Variants in CCSER1 observed in about 807,000 individuals in gnomAD.
CCSER1 encodes serine-rich coiled-coil domain-containing protein 1.
In CCSER1, 41 loss-of-function variants were observed where a neutral mutation model predicts 82.0. The observed-to-expected ratio is 0.50, with a 90% CI of 0.39 to 0.65. CCSER1 has a LOEUF of 0.65. Ranked by LOEUF, CCSER1 falls within the 30% of genes least tolerant of loss-of-function variation. The pLI is 0.00. For missense variants in CCSER1, 1,119 were observed against 1,064.2 expected, an observed-to-expected ratio of 1.05 and a Z score of -0.72; for synonymous variants, 414 against 383.9, an observed-to-expected ratio of 1.08 and a Z score of -0.92.
At chr4:90,964,663 T>C (rs2150383317) in intron 9 of CCSER1, among the ~76,000 whole-genome samples, 1 of 139,056 alleles carries the variant, frequency 7.2e-6, no homozygotes, top group Non-Finnish European at 1.5e-5. Context: ...AGGCAGAGCT[T>C]GCAGTGATCC....
At chr4:90,562,257 C>T (rs550545349) in intron 5 of CCSER1, among the ~76,000 whole-genome samples, 1 of 150,160 alleles carries the variant, frequency 6.7e-6, no homozygotes, top group East Asian at 2.0e-4. Flanking sequence ...ATACTGTGTA[C>T]TCTCCAGTGT....
intron 10 of CCSER1, among the ~76,000 whole-genome samples, chr4:91,294,996 T>C (rs1449030509): frequency 6.6e-6 from 1 of 151,986 alleles, no homozygotes; most frequent in Non-Finnish European, 1.5e-5. Context: ...ACAACAAATA[T>C]GGTTCAGGTA....
intron 8 of CCSER1, among the ~76,000 whole-genome samples, chr4:90,843,739 A>T (rs1332019692): frequency 6.6e-6 from 1 of 152,128 alleles, no homozygotes; most frequent in Admixed American, 6.6e-5. Flanking sequence ...TTTAAAAACA[A>T]ATCTTTTTTA....
chr4:90,494,170 G>A (rs766175718), intron 5 of CCSER1, among the ~76,000 whole-genome samples: 1 of 152,168 alleles, frequency 6.6e-6, no homozygotes, highest in African/African-American at 2.4e-5. Context: ...GACAAAGAAG[G>A]CCATTACATA....
intron 9 of CCSER1, among the ~76,000 whole-genome samples, chr4:90,974,219 A>G (rs1472894099): frequency 6.6e-6 from 1 of 151,588 alleles, no homozygotes; most frequent in African/African-American, 2.4e-5. Context: ...TGTTCTCAAT[A>G]TCTACAAAAA....
At chr4:90,159,163 A>C (rs1011394180) in intron 1 of CCSER1, among the ~76,000 whole-genome samples, 2 of 152,034 alleles carry the variant, frequency 1.3e-5, no homozygotes, top group African/African-American at 4.8e-5. Flanking sequence ...CCTCTTTAGT[A>C]ACTAGGACTG....
chr4:90,326,577 G>A (rs988541684), intron 3 of CCSER1, among the ~76,000 whole-genome samples: 4 of 151,782 alleles, frequency 2.6e-5, no homozygotes, highest in African/African-American at 9.7e-5. Flanking sequence ...GCTCTTTATT[G>A]TATACATTTG....
chr4:91,154,771 T>C lies in CCSER1; in HGVS notation c.2217+68777T>C, dbSNP rs756495990. Reference sequence around the variant, plus strand: ...TAAGAGCTTTACAGAAAATTAAAATTGGGTCATTTAAAAATATTGATGCCT... The same window carrying C: ...TAAGAGCTTTACAGAAAATTAAAATCGGGTCATTTAAAAATATTGATGCCT... On this transcript the variant is annotated intron_variant, in intron 10 of 10. Coordinates refer to ENST00000509176, the MANE Select transcript of CCSER1 (RefSeq NM_001145065.2). Among the ~76,000 whole-genome samples, 16 of 151,992 alleles carry C rather than the reference T, an allele frequency of 1.1e-4. 1 individual carries two copies. Among genetic ancestry groups the C allele is most frequent in the Non-Finnish European group, 1.5e-5 (1 of 67,934 alleles).
intron 9 of CCSER1, among the ~76,000 whole-genome samples, chr4:91,002,683 G>A (rs1450172895): frequency 6.6e-6 from 1 of 151,848 alleles, no homozygotes; most frequent in Non-Finnish European, 1.5e-5. Context: ...CTTAGATTGG[G>A]CTTTGCCTTT....
intron 9 of CCSER1, among the ~76,000 whole-genome samples, chr4:91,069,719 A>G (rs1392518101): frequency 1.3e-5 from 2 of 152,210 alleles, no homozygotes; most frequent in Non-Finnish European, 2.9e-5. Flanking sequence ...TTTAGAATCA[A>G]TGCTCATGAA....
chr4:91,298,695 C>T (rs1744421493), intron 10 of CCSER1, among the ~76,000 whole-genome samples: 1 of 151,940 alleles, frequency 6.6e-6, no homozygotes, highest in South Asian at 2.1e-4. Context: ...TAAACTTTGG[C>T]AAGTTCTTTT....
chr4:90,484,452 T>C (rs1766640504), intron 5 of CCSER1, among the ~76,000 whole-genome samples: 1 of 152,176 alleles, frequency 6.6e-6, no homozygotes, highest in African/African-American at 2.4e-5. Context: ...GGTGCTTTGA[T>C]TTTTAGAGTT....
chr4:91,150,678 A>G (rs1370727087), intron 10 of CCSER1, among the ~76,000 whole-genome samples: 1 of 152,134 alleles, frequency 6.6e-6, no homozygotes, highest in Non-Finnish European at 1.5e-5. Context: ...ATTTATTGAG[A>G]GTTTTTAGCA....
intron 10 of CCSER1, among the ~76,000 whole-genome samples, chr4:91,588,745 T>C (rs1043303658): frequency 2.0e-5 from 3 of 151,794 alleles, no homozygotes; most frequent in African/African-American, 7.2e-5. Context: ...TGTCACATCA[T>C]TGCCTTGTGT....
chr4:91,301,412 T>G (rs34822142), intron 10 of CCSER1, among the ~76,000 whole-genome samples: 41,237 of 151,404 alleles, frequency 0.27, 5,808 homozygotes, highest in East Asian at 0.33. Context: ...ATATTCCAAG[T>G]GGAAAAAAAT....
At chr4:90,459,739 T>C (rs774847801) in intron 4 of CCSER1, among the ~76,000 whole-genome samples, 4 of 152,230 alleles carry the variant, frequency 2.6e-5, no homozygotes, top group Non-Finnish European at 5.9e-5. Context: ...TTTATTAAAA[T>C]AAATGACACT....
At chr4:90,436,867 C>A (rs866634742) in intron 4 of CCSER1, among the ~76,000 whole-genome samples, 1 of 150,062 alleles carries the variant, frequency 6.7e-6, no homozygotes, top group East Asian at 2.0e-4. Context: ...AGTGCAGTGG[C>A]GCAATCTCAG....
At chr4:91,254,553 G>T (rs1264087493) in intron 10 of CCSER1, among the ~76,000 whole-genome samples, 2 of 152,040 alleles carry the variant, frequency 1.3e-5, no homozygotes, top group Non-Finnish European at 2.9e-5. Flanking sequence ...AAAGGGAAAA[G>T]AGGGAGTTGT....
chr4:90,839,008 G>A (rs267600297), intron 8 of CCSER1: 3 of 1,612,442 alleles, frequency 1.9e-6, no homozygotes, highest in Non-Finnish European at 8.5e-7. Context: ...CGAATTTCTC[G>A]ATCTCAGCCA....
Sources: gnomAD v4.1 joint callset for allele counts (sites outside exome capture counted in the v4.1 genomes callset) on GRCh38, gnomAD v4.1.1 for gene constraint, MANE v1.5 for transcripts, NCBI Gene and HGNC (gene_info 2026-07-23, HGNC 2026-07-21) for gene names.